The following HELZ variants were observed in gnomAD, a reference collection of about 807,000 sequenced individuals.
HELZ encodes the protein ATP-dependent RNA helicase with zinc finger domain.
HELZ carries 23 observed loss-of-function variants against 218.2 expected under a neutral mutation model. The ratio of observed to expected loss-of-function variants is 0.11; its 90% CI spans 0.08 to 0.15. The LOEUF (loss-of-function observed/expected upper bound fraction) is 0.15. HELZ is among the 10% of genes least tolerant of loss of function. The pLI is 1.00. For synonymous variants in HELZ, 814 were observed against 829.4 expected (o/e 0.98, Z 0.32); for missense variants, 1,813 against 2,353.7 (o/e 0.77, Z 4.75).
chr17:67,082,362 A>G (rs954624208), intron 32 of HELZ, among the ~76,000 whole-genome samples: 12 of 152,198 alleles, frequency 7.9e-5, no homozygotes, highest in African/African-American at 2.7e-4. Flanking sequence ...ACAATGGTTC[A>G]TTTCCTCTAA....
Position 67,160,280 on chromosome 17 carries a change from G to T in HELZ, c.2158C>A (p.Pro720Thr), listed in dbSNP as rs377128871. The T allele has an allele frequency of 2.7e-5, 44 of 1,606,410 alleles. No homozygotes were observed. The highest frequency in any genetic ancestry group is 8.0e-5 in the African/African-American group (6 of 74,738). Residue 720 changes from proline to threonine, a missense_variant, in exon 17 of 33, where the codon CCC (proline) becomes ACC (threonine). This residue lies in a region of HELZ where 714 missense variants were observed against 1,029.2 expected (regional missense o/e 0.69). Coordinates refer to ENST00000358691, the MANE Select transcript of HELZ (RefSeq NM_014877.4). ...AAATACCTGAGAGGTCTTGCCTGGG[G>T]ATTGCCTGCTTCTACATATGGATGT... ...YLHPYVEAGN[P>T]QARPLRVYFR... is the part of the protein sequence containing the mutation.
rs965000696 is a variant in HELZ, at chr17:67,244,639, G to A, written c.-132+509C>T. 4.4e-5 allele frequency: 42 copies of A among 957,116 alleles called. No individual in the cohort carries two copies. The African/African-American group carries it at 7.2e-4, about 16-fold the overall frequency. 59.3% of individuals were successfully genotyped at this position (957,116 alleles called of 1,614,324 possible). ...CCGAGAGCCCTCCGCGGGGGAGGGAGGGGGCGCACGCCTGACCCACTTTTC... is the reference window on the plus strand; with the variant it reads ...CCGAGAGCCCTCCGCGGGGGAGGGAAGGGGCGCACGCCTGACCCACTTTTC... On this transcript the variant is annotated intron_variant, in intron 1 of 32. Transcript: ENST00000358691.
intron 15 of HELZ, among the ~76,000 whole-genome samples, chr17:67,162,535 T>C (rs560803692): frequency 6.6e-6 from 1 of 152,198 alleles, no homozygotes; most frequent in South Asian, 2.1e-4. Context: ...TATGTAGCAT[T>C]AGATGAAATG....
chr17:67,105,646 T>C (rs1268382487), intron 31 of HELZ, among the ~76,000 whole-genome samples: 1 of 152,200 alleles, frequency 6.6e-6, no homozygotes, highest in Non-Finnish European at 1.5e-5. Flanking sequence ...AAACATCACT[T>C]AACTGAAAAT....
Position 67,077,719 on chromosome 17 carries a change from CA to C in HELZ, c.*532del, listed in dbSNP as rs57572316. ...GTTTTAGAATGCAGCATCGTGTCAC[CA>C]AAAAAAAAAAAAAAGCTGATAAAAC... On this transcript the variant is annotated 3_prime_UTR_variant, in exon 33 of 33. Coordinates refer to ENST00000358691, the MANE Select transcript of HELZ (RefSeq NM_014877.4). The C allele has an allele frequency of 0.013, 1,702 of 131,896 alleles. 18 individuals are homozygous for C. The highest frequency in any genetic ancestry group is 0.019 in the South Asian group (79 of 4,160). The allele number at this position is 131,896 out of a possible 1,614,324, so 8.2% of individuals were successfully genotyped here.
intron 28 of HELZ, among the ~76,000 whole-genome samples, chr17:67,109,998 G>A (rs1048148896): frequency 6.6e-6 from 1 of 152,054 alleles, no homozygotes; most frequent in South Asian, 2.1e-4. Context: ...TTAGAAAGAT[G>A]GCCATTTATT....
intron 13 of HELZ, among the ~76,000 whole-genome samples, chr17:67,168,541 T>A (rs2039216663): frequency 6.6e-6 from 1 of 152,226 alleles, no homozygotes; most frequent in Non-Finnish European, 1.5e-5. Context: ...TTAAACCAAT[T>A]ACTTTCCAAG....
intron 26 of HELZ, 36 bp downstream of exon 26, chr17:67,122,934 T>C (rs1264400677): frequency 2.1e-6 from 3 of 1,456,296 alleles, no homozygotes; most frequent in Non-Finnish European, 2.8e-6. Context: ...CCTATTTTAC[T>C]TGATTCAATA....
intron 5 of HELZ, among the ~76,000 whole-genome samples, chr17:67,210,876 C>CA (rs1256812329): frequency 1.3e-5 from 2 of 152,044 alleles, no homozygotes; most frequent in African/African-American, 4.8e-5. Context: ...GAGCTGTGAT[C>CA]ACGCCACTGC....
intron 31 of HELZ, among the ~76,000 whole-genome samples, chr17:67,104,270 T>C (rs1040238161): frequency 1.3e-5 from 2 of 151,306 alleles, no homozygotes; most frequent in African/African-American, 4.9e-5. Flanking sequence ...CCGTATCTAC[T>C]AAAAAAAATA....
intron 3 of HELZ, among the ~76,000 whole-genome samples, chr17:67,233,605 T>G (rs2041096197): frequency 6.6e-6 from 1 of 152,086 alleles, no homozygotes. Context: ...GGCCCTAAAC[T>G]TCCTTAGCTG....
intron 12 of HELZ, among the ~76,000 whole-genome samples, chr17:67,181,277 T>C (rs1169970928): frequency 1.3e-5 from 2 of 152,234 alleles, no homozygotes; most frequent in African/African-American, 2.4e-5. Flanking sequence ...GATGTTTAAG[T>C]AGCTGAGACA....
At position 67,109,606 on chromosome 17, in the gene HELZ, G is replaced by T. The variant is rs896042011; in HGVS notation, c.3999C>A (p.Arg1333=). The T allele has an allele frequency of 3.1e-6, 5 of 1,614,050 alleles. No homozygotes were observed. The Admixed American group carries it at 5.0e-5, about 16-fold the overall frequency. The change falls in exon 29 of 33, where the codon CGC becomes CGA. Residue 1333 remains arginine, a synonymous_variant. Transcript: ENST00000358691. ...TGTGTCTTGGGTTGAGATTATCTTTGCGAGGAAATTTGGTACTGGGATAAA... is the reference window on the plus strand; with the variant it reads ...TGTGTCTTGGGTTGAGATTATCTTTTCGAGGAAATTTGGTACTGGGATAAA... ...SVVYPSTKFP[R]KDNLNPRHIN...
chr17:67,138,161 T>C (rs549896632), intron 21 of HELZ, 47 bp from the exon 22 acceptor site: 3 of 1,430,208 alleles, frequency 2.1e-6, no homozygotes, highest in East Asian at 4.9e-5. Context: ...TCACCAATGT[T>C]TGGAGAAAAT....
chr17:67,173,436 G>A (rs2039367780), intron 13 of HELZ, among the ~76,000 whole-genome samples: 1 of 152,104 alleles, frequency 6.6e-6, no homozygotes, highest in Non-Finnish European at 1.5e-5. Flanking sequence ...TTTAGGGAAT[G>A]ACAGAATTAC....
intron 23 of HELZ, among the ~76,000 whole-genome samples, chr17:67,131,916 A>G (rs2037997411): frequency 6.6e-6 from 1 of 152,208 alleles, no homozygotes; most frequent in South Asian, 2.1e-4. Context: ...ATTTCTGAAT[A>G]CAGATAATTG....
intron 27 of HELZ, among the ~76,000 whole-genome samples, chr17:67,118,277 T>G (rs1472071319): frequency 6.6e-6 from 1 of 152,184 alleles, no homozygotes; most frequent in Non-Finnish European, 1.5e-5. Context: ...TTTCAACAAA[T>G]AGTGCTGGAA....
At chr17:67,221,833 G>GT (rs950763062) in intron 3 of HELZ, among the ~76,000 whole-genome samples, 1 of 147,200 alleles carries the variant, frequency 6.8e-6, no homozygotes, top group Non-Finnish European at 1.5e-5. Context: ...TGTTGTTGCT[G>GT]TTTTTTGTGT....
At chr17:67,180,547 C>G (rs2039577524) in intron 12 of HELZ, among the ~76,000 whole-genome samples, 1 of 152,080 alleles carries the variant, frequency 6.6e-6, no homozygotes, top group Non-Finnish European at 1.5e-5. Context: ...AGTTCCAGAA[C>G]AGCATAGCCA....
Sources: allele counts gnomAD v4.1 joint callset (sites outside exome capture counted in the v4.1 genomes callset), GRCh38; gene constraint gnomAD v4.1.1; regional missense constraint gnomAD v4.1.1; transcripts MANE v1.5; gene names NCBI Gene and HGNC (gene_info 2026-07-23, HGNC 2026-07-21).